Variants in SOX5 observed in about 807,000 individuals in gnomAD.
SOX5 encodes the protein SRY-box transcription factor 5, also known as transcription factor SOX-5.
SOX5 carries 9 observed loss-of-function variants against 92.0 expected under a neutral mutation model. The observed-to-expected ratio is 0.10, with a 90% CI of 0.06 to 0.17. The LOEUF (loss-of-function observed/expected upper bound fraction) is 0.17, where lower values mean the gene tolerates loss of function less well. SOX5 is among the 10% of genes least tolerant of loss of function. The pLI, the probability that SOX5 is intolerant of heterozygous loss-of-function variation, is 1.00. For synonymous variants in SOX5, 344 were observed against 336.3 expected (o/e 1.02, Z -0.25); for missense variants, 642 against 944.5 (o/e 0.68, Z 4.20).
chr12:23,781,974 A>G (rs1169110679), intron 3 of SOX5, among the ~76,000 whole-genome samples: 1 of 152,082 alleles, frequency 6.6e-6, no homozygotes, highest in Non-Finnish European at 1.5e-5. Flanking sequence ...AGTTAAAAAG[A>G]CTTGGATTTC....
At chr12:23,702,658 C>A (rs556053723) in intron 6 of SOX5, among the ~76,000 whole-genome samples, 1 of 152,022 alleles carries the variant, frequency 6.6e-6, no homozygotes, top group East Asian at 1.9e-4. Flanking sequence ...CAGTAAAATT[C>A]CAGATTCTGT....
chr12:23,588,154 C>G (rs1445003422), intron 9 of SOX5, among the ~76,000 whole-genome samples: 1 of 151,872 alleles, frequency 6.6e-6, no homozygotes, highest in Non-Finnish European at 1.5e-5. Context: ...TATTTTTTCT[C>G]AACATATTAA....
intron 1 of SOX5, among the ~76,000 whole-genome samples, chr12:24,561,376 T>C (rs963156572): frequency 6.6e-6 from 1 of 152,236 alleles, no homozygotes; most frequent in African/African-American, 2.4e-5. Flanking sequence ...TTTATTAATA[T>C]AGTCGCTTTG....
At chr12:24,538,597 A>AC (rs1597734279) in intron 1 of SOX5, among the ~76,000 whole-genome samples, 1 of 81,424 alleles carries the variant, frequency 1.2e-5, no homozygotes, top group African/African-American at 6.6e-5. Context: ...AGCTGGATCT[A>AC]AACACACACA....
chr12:23,786,830 G>A (rs2095388631), intron 3 of SOX5, among the ~76,000 whole-genome samples: 1 of 145,694 alleles, frequency 6.9e-6, no homozygotes, highest in Non-Finnish European at 1.5e-5. Context: ...TTGGAGAAAA[G>A]TTATAAAACA....
intron 3 of SOX5, among the ~76,000 whole-genome samples, chr12:24,270,664 T>A (rs1007799026): frequency 6.6e-6 from 1 of 152,208 alleles, no homozygotes; most frequent in Non-Finnish European, 1.5e-5. Context: ...TTCTGCACCC[T>A]GACCTCAACC....
intron 3 of SOX5, among the ~76,000 whole-genome samples, chr12:23,781,394 A>G (rs1407499417): frequency 1.3e-5 from 2 of 152,054 alleles, no homozygotes; most frequent in African/African-American, 4.8e-5. Flanking sequence ...TGAAAACAAC[A>G]TGAAAATAAA....
chr12:24,000,527 A>T (rs1353731473), intron 4 of SOX5, among the ~76,000 whole-genome samples: 1 of 152,112 alleles, frequency 6.6e-6, no homozygotes, highest in Non-Finnish European at 1.5e-5. Flanking sequence ...AATCTCTACA[A>T]CACCACTAAT....
At chr12:23,752,904 A>G (rs558021383) in intron 4 of SOX5, among the ~76,000 whole-genome samples, 7 of 151,856 alleles carry the variant, frequency 4.6e-5, no homozygotes, top group Non-Finnish European at 1.0e-4. Context: ...CATGTTTGCT[A>G]GAGGATTGTT....
intron 1 of SOX5, among the ~76,000 whole-genome samples, chr12:24,437,935 T>G (rs909649186): frequency 6.6e-5 from 10 of 152,234 alleles, no homozygotes; most frequent in African/African-American, 2.4e-4. Flanking sequence ...TTACTGGGTA[T>G]ATACCCAAAG....
At chr12:24,224,551 G>A (rs537315835) in intron 3 of SOX5, among the ~76,000 whole-genome samples, 229 of 151,080 alleles carry the variant, frequency 1.5e-3, no homozygotes, top group African/African-American at 5.2e-3. Flanking sequence ...GTATGTGTGT[G>A]TGTGTGGGTG....
intron 4 of SOX5, among the ~76,000 whole-genome samples, chr12:24,105,008 T>C (rs1191073431): frequency 6.6e-6 from 1 of 152,168 alleles, no homozygotes; most frequent in Non-Finnish European, 1.5e-5. Context: ...AAAAGAATAC[T>C]ATCAAGAAAA....
intron 4 of SOX5, among the ~76,000 whole-genome samples, chr12:24,057,180 G>T (rs1273522524): frequency 6.6e-6 from 1 of 151,874 alleles, no homozygotes; most frequent in Non-Finnish European, 1.5e-5. Flanking sequence ...TGGACATGAG[G>T]ATGGTCTGAA....
chr12:23,863,411 C>T (rs1456182173), intron 2 of SOX5, among the ~76,000 whole-genome samples: 2 of 152,104 alleles, frequency 1.3e-5, no homozygotes, highest in East Asian at 3.9e-4. Flanking sequence ...ATGATCAATG[C>T]TTTTACACAC....
intron 4 of SOX5, among the ~76,000 whole-genome samples, chr12:24,191,594 A>G (rs773032554): frequency 8.5e-5 from 13 of 152,174 alleles, no homozygotes; most frequent in Non-Finnish European, 1.9e-4. Flanking sequence ...GCTACTTTGT[A>G]TGCACAAGCT....
chr12:24,487,035 T>C (rs1482213003), intron 1 of SOX5, among the ~76,000 whole-genome samples: 3 of 152,148 alleles, frequency 2.0e-5, no homozygotes, highest in Non-Finnish European at 2.9e-5. Context: ...GAGTTATATA[T>C]TATGGTCAGG....
chr12:23,732,417 C>T (rs536951837), intron 6 of SOX5, among the ~76,000 whole-genome samples: 1 of 152,188 alleles, frequency 6.6e-6, no homozygotes, highest in East Asian at 1.9e-4. Flanking sequence ...TCCAAATTAA[C>T]AATTGACAAA....
In SOX5 at chr12:23,779,814, T is replaced by TATATAC. The variant is rs777013504; in HGVS notation, c.482-24091_482-24090insGTATAT. On this transcript the variant is annotated intron_variant, in intron 3 of 14. Transcript: ENST00000451604. ...ATATATATATATATATATATATATATACACACACACACACACACACACACA... is the reference window on the plus strand; with the variant it reads ...ATATATATATATATATATATATATATATATACACACACACACACACACACACACACA... Among the ~76,000 whole-genome samples the TATATAC allele has an allele frequency of 2.7e-3, 294 of 110,788 alleles. 1 individual carries two copies. Among genetic ancestry groups the TATATAC allele is most frequent in the African/African-American group, 8.5e-3 (231 of 27,050 alleles). 72.7% of individuals were successfully genotyped at this position (110,788 alleles called of 152,430 possible).
intron 1 of SOX5, among the ~76,000 whole-genome samples, chr12:23,925,418 C>G (rs1415338439): frequency 6.6e-6 from 1 of 152,044 alleles, no homozygotes; most frequent in Non-Finnish European, 1.5e-5. Flanking sequence ...TTCTGTAATA[C>G]TCCTGTCTTA....
Sources: allele counts gnomAD v4.1 joint callset (sites outside exome capture counted in the v4.1 genomes callset), GRCh38; gene constraint gnomAD v4.1.1; transcripts MANE v1.5; gene names NCBI Gene and HGNC (gene_info 2026-07-23, HGNC 2026-07-21).